UGDH: variants seen among roughly 807,000 people sequenced by gnomAD.
The protein encoded by UGDH is UDP-Glc dehydrogenase.
In UGDH, 38 loss-of-function variants were observed where a neutral mutation model predicts 50.6. The ratio of observed to expected loss-of-function variants is 0.75; its 90% CI spans 0.58 to 0.98. The LOEUF is 0.98. UGDH is among the 50% of genes least tolerant of loss of function. UGDH has a pLI of 0.00. For missense variants in UGDH, 465 were observed against 606.2 expected, an observed-to-expected ratio of 0.77 and a Z score of 2.45; for synonymous variants, 168 against 199.9, an observed-to-expected ratio of 0.84 and a Z score of 1.35.
At chr4:39,520,647 G>A (rs1252350119) in intron 2 of UGDH, among the ~76,000 whole-genome samples, 1 of 151,714 alleles carries the variant, frequency 6.6e-6, no homozygotes, top group East Asian at 1.9e-4. Context: ...TTTATGTGAT[G>A]TTAGTAAAAT....
intron 7 of UGDH, among the ~76,000 whole-genome samples, chr4:39,506,294 A>G (rs1746022980): frequency 6.6e-6 from 1 of 151,228 alleles, no homozygotes; most frequent in Admixed American, 6.6e-5. Flanking sequence ...TTTTCTATGC[A>G]TAAGGCTAGG....
intron 3 of UGDH, among the ~76,000 whole-genome samples, chr4:39,513,644 C>G (rs973466348): frequency 2.7e-5 from 4 of 146,508 alleles, no homozygotes; most frequent in African/African-American, 1.0e-4. Context: ...TCAAGCGATT[C>G]TCCTGCCTCA....
intron 2 of UGDH, among the ~76,000 whole-genome samples, chr4:39,517,645 A>G (rs1746486611): frequency 6.6e-6 from 1 of 152,236 alleles, no homozygotes; most frequent in Non-Finnish European, 1.5e-5. Flanking sequence ...TAATGAGAGA[A>G]GAAAGAACAT....
chr4:39,527,249 C>A (rs1378669323), intron 1 of UGDH, 34 bp downstream of exon 1: 1 of 678,782 alleles, frequency 1.5e-6, no homozygotes, highest in East Asian at 6.7e-5. Context: ...GCATCCCGCC[C>A]GGGCGGCGGG....
intron 2 of UGDH, among the ~76,000 whole-genome samples, chr4:39,517,784 G>C (rs765050081): frequency 6.6e-6 from 1 of 152,026 alleles, no homozygotes; most frequent in African/African-American, 2.4e-5. Context: ...GGAATTATAC[G>C]GTATGTACTC....
intron 1 of UGDH, among the ~76,000 whole-genome samples, chr4:39,523,777 G>T (rs1746766537): frequency 6.7e-6 from 1 of 149,782 alleles, no homozygotes; most frequent in South Asian, 2.1e-4. Context: ...TTGCACTCCA[G>T]CCTGGGCAAC....
chr4:39,506,731 G>T (rs1746044107), intron 7 of UGDH, among the ~76,000 whole-genome samples: 1 of 152,178 alleles, frequency 6.6e-6, no homozygotes, highest in South Asian at 2.1e-4. Context: ...ATCAAACCCT[G>T]AGAGCTTAAG....
At chr4:39,527,230 G>C (rs944778803) in intron 1 of UGDH, 53 bp downstream of exon 1, 16 of 862,926 alleles carry the variant, frequency 1.9e-5, no homozygotes, top group Middle Eastern at 4.8e-4. Flanking sequence ...ATCCCGCCCA[G>C]ACCTGGGAGC....
chr4:39,505,995 G>T (rs1365330859), intron 7 of UGDH, among the ~76,000 whole-genome samples: 1 of 151,902 alleles, frequency 6.6e-6, no homozygotes, highest in Non-Finnish European at 1.5e-5. Flanking sequence ...ACTTTGGGAG[G>T]CCGAGGTGGG....
chr4:39,524,162 C>A (rs899671688), intron 1 of UGDH, among the ~76,000 whole-genome samples: 1 of 152,158 alleles, frequency 6.6e-6, no homozygotes, highest in African/African-American at 2.4e-5. Context: ...ACTTAATCTC[C>A]TAGCCAAAAG....
intron 11 of UGDH, among the ~76,000 whole-genome samples, chr4:39,501,762 C>G (rs1377388027): frequency 1.3e-5 from 2 of 152,142 alleles, no homozygotes; most frequent in African/African-American, 2.4e-5. Context: ...AGCAAGCCAG[C>G]CTTCACTAAA....
chr4:39,521,227 AT>A (rs1305847528), intron 2 of UGDH, 123 bp downstream of exon 2: 2 of 1,020,344 alleles, frequency 2.0e-6, no homozygotes, highest in African/African-American at 1.7e-5. Context: ...TTGTATCCAG[AT>A]TTTTTTCATT....
chr4:39,521,246 T>C, intron 2 of UGDH, 105 bp downstream of exon 2: 1 of 1,180,660 alleles, frequency 8.5e-7, no homozygotes. Context: ...ATTTAATTTC[T>C]TACCAGTTGC....
At chr4:39,527,178 C>T (rs1746940779) in intron 1 of UGDH, 105 bp downstream of exon 1, 2 of 1,243,058 alleles carry the variant, frequency 1.6e-6, no homozygotes, top group Middle Eastern at 3.3e-4. Flanking sequence ...GCGCAGCGAG[C>T]GACCGGGAGC....
chr4:39,511,788 C>T (rs1746256308), intron 3 of UGDH, among the ~76,000 whole-genome samples: 2 of 150,542 alleles, frequency 1.3e-5, no homozygotes, highest in South Asian at 4.2e-4. Context: ...CGGATCACTG[C>T]AATCTCTGCT....
chr4:39,509,726 T>G (rs747339465), intron 6 of UGDH, 34 bp downstream of exon 6: 1 of 1,591,710 alleles, frequency 6.3e-7, no homozygotes, highest in Non-Finnish European at 8.5e-7. Flanking sequence ...AAATAAACAC[T>G]AGCTCTTTCT....
intron 2 of UGDH, 71 bp downstream of exon 2, chr4:39,521,280 G>A: frequency 7.4e-7 from 1 of 1,347,092 alleles, no homozygotes; most frequent in Non-Finnish European, 9.9e-7. Context: ...TATATTAATA[G>A]TGCATATAAA....
chr4:39,503,561 G>A (rs1745910512), intron 11 of UGDH, among the ~76,000 whole-genome samples: 1 of 152,150 alleles, frequency 6.6e-6, no homozygotes, highest in African/African-American at 2.4e-5. Context: ...ATCCCATAGG[G>A]ACTTCCTAAA....
At chr4:39,513,651 C>T (rs1746332051) in intron 3 of UGDH, among the ~76,000 whole-genome samples, 1 of 150,974 alleles carries the variant, frequency 6.6e-6, no homozygotes. Context: ...ATTCTCCTGC[C>T]TCAGCCTCTT....
Sources: gnomAD v4.1 joint callset for allele counts (sites outside exome capture counted in the v4.1 genomes callset) on GRCh38, gnomAD v4.1.1 for gene constraint, MANE v1.5 for transcripts, NCBI Gene and HGNC (gene_info 2026-07-23, HGNC 2026-07-21) for gene names.